IPO9: variants seen among roughly 807,000 people sequenced by gnomAD.
The protein encoded by IPO9 is importin 9.
IPO9 carries 28 observed loss-of-function variants against 128.6 expected under a neutral mutation model. That is an observed-to-expected ratio of 0.22 (90% CI 0.16 to 0.30). IPO9 has a LOEUF of 0.30. Among genes scored for constraint, IPO9 ranks in the 10% least tolerant of loss-of-function variants. The pLI is 1.00. For missense variants in IPO9, 935 were observed against 1,293.9 expected (o/e 0.72, Z 4.26); for synonymous variants, 455 against 475.8 (o/e 0.96, Z 0.57).
At chr1:201,849,368 C>T (rs1345583122) in intron 4 of IPO9, among the ~76,000 whole-genome samples, 1 of 152,260 alleles carries the variant, frequency 6.6e-6, no homozygotes, top group Non-Finnish European at 1.5e-5. Flanking sequence ...CTCCCTGCTT[C>T]TTATTCCCTA....
At position 201,863,626 on chromosome 1, in the gene IPO9, C is replaced by T. The variant is rs767076912; in HGVS notation, c.1628+19C>T. The T allele has an allele frequency of 8.4e-6, 13 of 1,555,676 alleles. No individual in the cohort carries two copies. The highest frequency in any genetic ancestry group is 8.1e-5 in the South Asian group (7 of 86,098). Reference sequence around the variant, plus strand: ...TCTGGGGGTGAGTATGCTACCCTAGCGTGATAATTAAGGGAAAGTTGCTCA... The same window carrying T: ...TCTGGGGGTGAGTATGCTACCCTAGTGTGATAATTAAGGGAAAGTTGCTCA... On this transcript the variant is annotated intron_variant, in intron 14 of 23. Transcript: ENST00000361565.
chr1:201,852,414 G>A (rs528982854), intron 5 of IPO9, among the ~76,000 whole-genome samples: 8 of 152,204 alleles, frequency 5.3e-5, no homozygotes, highest in South Asian at 2.1e-4. Context: ...TTCACATATC[G>A]TACTTCCTGG....
At chr1:201,863,069 G>A (rs553185438) in intron 13 of IPO9, among the ~76,000 whole-genome samples, 1 of 152,000 alleles carries the variant, frequency 6.6e-6, no homozygotes, top group African/African-American at 2.4e-5. Flanking sequence ...AGGAATGGAG[G>A]GCCGGATGCG....
In IPO9 at chr1:201,853,013, G is replaced by A. The variant is rs768361477; in HGVS notation, c.606G>A (p.Val202=). The A allele has an allele frequency of 1.8e-5, 29 of 1,613,936 alleles. No individual in the cohort carries two copies. In the South Asian group the frequency reaches 2.2e-4, roughly 12 times the overall value. The change falls in exon 6 of 24, where the codon GTG becomes GTA. Residue 202 remains valine, a splice_region_variant and synonymous_variant. Coordinates refer to ENST00000361565, the MANE Select transcript of IPO9 (RefSeq NM_018085.5). ...EMYKIFTMAE[V]YGIRTRSRAV... ...TTATGCTGTAACCTTTCTTCCAGGT[G>A]TATGGTATTCGAACCCGTTCCCGAG... is the stretch of plus-strand genomic sequence containing the variant.
intron 20 of IPO9, among the ~76,000 whole-genome samples, chr1:201,873,473 C>T (rs1436759232): frequency 2.1e-5 from 3 of 144,852 alleles, no homozygotes; most frequent in African/African-American, 7.6e-5. Flanking sequence ...AAAATGCAGG[C>T]GTGGTGGCTC....
chr1:201,870,542 C>G lies in IPO9; in HGVS notation c.2134-41C>G. ...AGACTGAGGGCCTTCTGGCATCTGT[C>G]CCTCGATTACTAATCTTGCTTGCCA... On this transcript the variant is annotated intron_variant, in intron 17 of 23. Transcript: ENST00000361565. The surrounding 1 kb of genome is among the most constrained non-coding windows in gnomAD (Gnocchi z 4.9). 1 of 1,591,064 alleles carries G rather than the reference C, an allele frequency of 6.3e-7. No individual in the cohort carries two copies. Among genetic ancestry groups the G allele is most frequent in the South Asian group, 1.1e-5 (1 of 88,122 alleles).
rs564001788 is a variant in IPO9, at chr1:201,880,809, A to G, written c.*4755A>G. On this transcript the variant is annotated 3_prime_UTR_variant, in exon 24 of 24. Coordinates refer to ENST00000361565, the MANE Select transcript of IPO9 (RefSeq NM_018085.5). Reference sequence around the variant, plus strand: ...TGTGCAAAAGCTATACACATTCGGTAGAAACAGTACTTCAAGTATCCATAC... The same window carrying G: ...TGTGCAAAAGCTATACACATTCGGTGGAAACAGTACTTCAAGTATCCATAC... 2.0e-5 allele frequency: 3 copies of G among 152,346 alleles called. No individual in the cohort carries two copies. The highest frequency in any genetic ancestry group is 7.2e-5 in the African/African-American group (3 of 41,584). The allele number at this position is 152,346 out of a possible 1,614,324, so 9.4% of individuals were successfully genotyped here. A position where few individuals can be genotyped will look rare whatever the true frequency, so the allele number is the denominator to read the frequency against.
intron 1 of IPO9, among the ~76,000 whole-genome samples, chr1:201,846,918 C>T (rs1680133758): frequency 6.6e-6 from 1 of 152,188 alleles, no homozygotes; most frequent in Non-Finnish European, 1.5e-5. Context: ...ATCCACCCAC[C>T]TCGACCTCCC....
chr1:201,858,659 T>A, intron 12 of IPO9, 106 bp downstream of exon 12: 1 of 860,186 alleles, frequency 1.2e-6, no homozygotes, highest in Non-Finnish European at 1.7e-6. Flanking sequence ...CTGGTTTTAA[T>A]TTAATAACAG....
At chr1:201,848,010 T>C (rs1344613702) in intron 3 of IPO9, among the ~76,000 whole-genome samples, 3 of 152,142 alleles carry the variant, frequency 2.0e-5, no homozygotes, top group African/African-American at 4.8e-5. Context: ...AATTTTGAGG[T>C]ATAAGGTCTG....
rs1680920959 is a variant in IPO9, at chr1:201,883,176, C to CCCA, written c.*7124_*7125insACC. 6.8e-6 allele frequency: 1 copy of CCCA among 146,054 alleles called. No homozygotes were observed. The highest frequency in any genetic ancestry group is 1.5e-5 in the Non-Finnish European group (1 of 65,670). 9.0% of individuals were successfully genotyped at this position (146,054 alleles called of 1,614,324 possible). On this transcript the variant is annotated 3_prime_UTR_variant, in exon 24 of 24. Coordinates refer to ENST00000361565, the MANE Select transcript of IPO9 (RefSeq NM_018085.5). ...TTAATTTGCTTTCACTAGATTCCCC[C>CCCA]CCCCCCAACAACTTAGTCCAAGAAC...
chr1:201,875,220 G>A lies in IPO9; in HGVS notation c.3007G>A (p.Asp1003Asn), dbSNP rs1321875497. Reference protein sequence around the residue: ...DALKDPLYQIDLQAYLTDFLC... With the variant: ...DALKDPLYQINLQAYLTDFLC... Reference sequence around the variant, plus strand: ...CCTGAAGGATCCTCTCTATCAGATTGATCTGCAGGTGAGGGTGTCCAGAGA... The same window carrying A: ...CCTGAAGGATCCTCTCTATCAGATTAATCTGCAGGTGAGGGTGTCCAGAGA... Residue 1003 changes from aspartate (D) to asparagine (N), a missense_variant, in exon 23 of 24, where the codon GAT becomes AAT. Physicochemically the swap from Asp to Asn is conservative, Grantham distance 23 (BLOSUM62 1). Transcript: ENST00000361565. The A allele has an allele frequency of 1.2e-6, 2 of 1,613,478 alleles. No individual in the cohort carries two copies. The highest frequency in any genetic ancestry group is 1.7e-6 in the Non-Finnish European group (2 of 1,179,482).
rs933013668 is a variant in IPO9, at chr1:201,870,069, A to G, written c.2133+351A>G. On this transcript the variant is annotated intron_variant, in intron 17 of 23. Coordinates refer to ENST00000361565, the MANE Select transcript of IPO9 (RefSeq NM_018085.5). This position sits in a 1 kb window ranked among gnomAD's most constrained non-coding sequence, Gnocchi z 4.9. ...AGTGATGGGCCTCTAGAGAGGGGAG[A>G]CATGCCTGAATATTTTTTCTCTTTT... Among the ~76,000 whole-genome samples the G allele has an allele frequency of 1.3e-5, 2 of 152,114 alleles. No individual in the cohort carries two copies. Among genetic ancestry groups the G allele is most frequent in the African/African-American group, 4.8e-5 (2 of 41,426 alleles).
In IPO9 at chr1:201,857,150, A is replaced by G. The variant is rs1214270140; in HGVS notation, c.1177A>G (p.Thr393Ala). 6.2e-7 allele frequency: 1 copy of G among 1,613,382 alleles called. No homozygotes were observed. Among genetic ancestry groups the G allele is most frequent in the East Asian group, 2.2e-5 (1 of 44,872 alleles). ...QQFVEDEDDD[T>A]FSYTVRIAAQ... ...ATTTGTAGAAGATGAAGATGATGAT[A>G]CATTCTCCTATACTGTTAGAATAGC... is the stretch of plus-strand genomic sequence containing the variant. The change falls in exon 11 of 24, where the codon ACA becomes GCA. Residue 393 changes from threonine to alanine, a missense_variant. Thr to Ala is a moderately conservative substitution (Grantham distance 58). Coordinates refer to ENST00000361565, the MANE Select transcript of IPO9 (RefSeq NM_018085.5).
chr1:201,856,157 A>G (rs975941052), intron 10 of IPO9, among the ~76,000 whole-genome samples: 22 of 148,442 alleles, frequency 1.5e-4, no homozygotes, highest in African/African-American at 5.2e-4. Flanking sequence ...TTCCCAGCAA[A>G]GTACTATACT....
rs376962831 is a variant in IPO9, at chr1:201,875,946, A to G, written c.3018A>G (p.Ala1006=). Residue 1006 remains alanine (A), a splice_region_variant and synonymous_variant, in exon 24 of 24, where the codon GCA becomes GCG. Transcript: ENST00000361565. ...GCCACTCTTGCTCTTTCCTCCAGGCATATCTCACAGATTTCCTCTGCCAGT... is the reference window on the plus strand; with the variant it reads ...GCCACTCTTGCTCTTTCCTCCAGGCGTATCTCACAGATTTCCTCTGCCAGT... ...KDPLYQIDLQ[A]YLTDFLCQFA... is the part of the protein sequence containing the mutation. The G allele has an allele frequency of 1.6e-5, 25 of 1,599,348 alleles. No homozygotes were observed. The highest frequency in any genetic ancestry group is 2.1e-5 in the Non-Finnish European group (25 of 1,166,684).
At chr1:201,873,159 T>C (rs1381821654) in intron 20 of IPO9, among the ~76,000 whole-genome samples, 198 bp downstream of exon 20, 1 of 152,096 alleles carries the variant, frequency 6.6e-6, no homozygotes, top group African/African-American at 2.4e-5. Flanking sequence ...TGGACAAAAA[T>C]AGGCCGGGCA....
At chr1:201,844,249 C>T (rs1349708256) in intron 1 of IPO9, among the ~76,000 whole-genome samples, 2 of 152,154 alleles carry the variant, frequency 1.3e-5, no homozygotes, top group East Asian at 3.8e-4. Context: ...ATTATGTACT[C>T]CCTAATATGA....
At chr1:201,850,091 G>A (rs1265160033) in intron 4 of IPO9, among the ~76,000 whole-genome samples, 2 of 152,150 alleles carry the variant, frequency 1.3e-5, no homozygotes, top group Admixed American at 6.6e-5. Context: ...TCTTGATTTG[G>A]ATGCTGAAGA....
Sources: gnomAD v4.1 joint callset for allele counts (sites outside exome capture counted in the v4.1 genomes callset) on GRCh38, gnomAD v4.1.1 for gene constraint, Gnocchi (gnomAD v3.1) non-coding constraint, MANE v1.5 for transcripts, NCBI Gene and HGNC (gene_info 2026-07-23, HGNC 2026-07-21) for gene names.